The following FGD1 variants were observed in gnomAD, a reference collection of about 807,000 sequenced individuals.
FGD1 encodes FYVE, RhoGEF and PH domain containing 1, also known as FYVE, RhoGEF and PH domain-containing protein 1.
A neutral mutation model predicts 65.0 loss-of-function variants in FGD1; 12 were observed. That is an observed-to-expected ratio of 0.18 (90% CI 0.12 to 0.30). The LOEUF (loss-of-function observed/expected upper bound fraction) is 0.30. FGD1 is among the 10% of genes least tolerant of loss of function. The probability of loss-of-function intolerance (pLI) is 1.00; values close to 1 mark genes in which losing one functional copy is unlikely to be tolerated. For missense variants in FGD1, 542 were observed against 837.6 expected, an observed-to-expected ratio of 0.65 and a Z score of 4.36; for synonymous variants, 333 against 343.9, an observed-to-expected ratio of 0.97 and a Z score of 0.35.
At chrX:54,446,479 T>A (rs1922184213) in intron 17 of FGD1, 65 bp from the exon 18 acceptor site, 1 of 1,070,168 alleles carries the variant, frequency 9.3e-7, no homozygotes, top group Non-Finnish European at 1.3e-6. Flanking sequence ...CCCCAGCTTC[T>A]AACTGGTTTT....
At chrX:54,448,169 C>G (rs747759016) in intron 16 of FGD1, among the ~76,000 whole-genome samples, 1 of 110,382 alleles carries the variant, frequency 9.1e-6, no homozygotes, top group South Asian at 3.8e-4. Flanking sequence ...TTTGTAATAA[C>G]AAAAGACAAT....
chrX:54,480,231 G>A (rs1923112977), intron 1 of FGD1, among the ~76,000 whole-genome samples: 1 of 112,362 alleles, frequency 8.9e-6, no homozygotes, highest in African/African-American at 3.2e-5. Flanking sequence ...AAGGGAAGAA[G>A]TTTTTCCAAA....
intron 12 of FGD1, 139 bp downstream of exon 12, chrX:54,455,309 C>T (rs766447339): frequency 1.5e-5 from 8 of 540,400 alleles, no homozygotes; most frequent in Non-Finnish European, 2.6e-5. Context: ...ATCACCCCCA[C>T]CGCTGAAGAG....
chrX:54,486,342 G>A lies in FGD1; in HGVS notation c.307+8784C>T, dbSNP rs752311572. On this transcript the variant is annotated intron_variant, in intron 1 of 17. Coordinates refer to ENST00000375135, the MANE Select transcript of FGD1 (RefSeq NM_004463.3). ...TGGCTCACAGCAACCTCCACCTCCC[G>A]GGTTCAAGTGATTCTCCTGCCTCAG... Among the ~76,000 whole-genome samples the A allele has an allele frequency of 5.4e-5, 6 of 111,089 alleles. No homozygotes were observed. The South Asian group carries it at 1.1e-3, about 21-fold the overall frequency.
intron 12 of FGD1, 96 bp downstream of exon 12, chrX:54,455,352 C>T (rs1313837318): frequency 2.8e-6 from 2 of 702,545 alleles, no homozygotes; most frequent in Non-Finnish European, 4.5e-6. Flanking sequence ...GGTGCCCATC[C>T]TTTCTCTGGA....
In FGD1 at chrX:54,465,584, C is replaced by T; in HGVS notation, c.1503G>A (p.Glu501=). 1.7e-6 allele frequency: 2 copies of T among 1,209,290 alleles called. No individual in the cohort carries two copies. Among genetic ancestry groups the T allele is most frequent in the South Asian group, 3.5e-5 (2 of 56,528 alleles). The change falls in exon 8 of 18, where the codon GAG becomes GAA. Residue 501 remains glutamate (E), a synonymous_variant. Coordinates refer to ENST00000375135, the MANE Select transcript of FGD1 (RefSeq NM_004463.3). ...GCAATGTCAGGTTGCCACAGGCTTC[C>T]TCCTTCTGTGACAGGCAGAAGCAGA... ...FKVIIHEVQK[E]EACGNLTLQH...
chrX:54,462,009 A>G, intron 8 of FGD1, among the ~76,000 whole-genome samples: 1 of 110,966 alleles, frequency 9.0e-6, no homozygotes, highest in Non-Finnish European at 1.9e-5. Context: ...AGAGTATTCC[A>G]GGTGGGAAGA....
intron 12 of FGD1, among the ~76,000 whole-genome samples, chrX:54,452,294 C>G: frequency 2.2e-5 from 2 of 92,871 alleles, no homozygotes; most frequent in East Asian, 7.0e-4. Context: ...AAAAAAAGAA[C>G]TACAGTATAG....
chrX:54,474,324 CAG>C (rs1197856203), intron 1 of FGD1, among the ~76,000 whole-genome samples: 2 of 112,419 alleles, frequency 1.8e-5, no homozygotes, highest in African/African-American at 6.5e-5. Flanking sequence ...GAAAGAGTCA[CAG>C]GGGATTTTAG....
At chrX:54,486,716 T>C (rs1269359106) in intron 1 of FGD1, among the ~76,000 whole-genome samples, 1 of 103,152 alleles carries the variant, frequency 9.7e-6, no homozygotes, top group Non-Finnish European at 2.0e-5. Flanking sequence ...TGGCCTGGCA[T>C]GGTGGCTCAT....
chrX:54,495,580 C>A lies in FGD1; in HGVS notation c.-148G>T. 1 of 313,824 alleles carries A rather than the reference C, an allele frequency of 3.2e-6. No individual in the cohort carries two copies. Among genetic ancestry groups the A allele is most frequent in the South Asian group, 1.9e-4 (1 of 5,314 alleles). The allele number at this position is 313,824 out of a possible 1,213,427, so 25.9% of individuals were successfully genotyped here. A position where few individuals can be genotyped will look rare whatever the true frequency, so the allele number is the denominator to read the frequency against. ...CGGGCTCAGCCCCACTGCAGAGACT[C>A]AAGCCCCCAGCCCGGGCCCGGGCCA... On this transcript the variant is annotated 5_prime_UTR_variant, in exon 1 of 18. An upstream open reading frame in the 5' UTR gains an earlier in-frame stop. Transcript: ENST00000375135.
rs1219170664 is a variant in FGD1, at chrX:54,488,090, C to G, written c.307+7036G>C. 6.7e-5 allele frequency among the ~76,000 whole-genome samples: 7 copies of G among 104,278 alleles called. No individual in the cohort carries two copies. The South Asian group carries it at 1.7e-3, about 26-fold the overall frequency. 90.6% of individuals were successfully genotyped at this position (104,278 alleles called of 115,157 possible). On this transcript the variant is annotated intron_variant, in intron 1 of 17. Coordinates refer to ENST00000375135, the MANE Select transcript of FGD1 (RefSeq NM_004463.3). ...ACCAGCCTGGCCAACGTGGCGAAAC[C>G]CCATCTCTACTAAAAATACAAAAAT...
rs1234626147 is a variant in FGD1 at position 54,496,190 on chromosome X, G to A, written c.-758C>T. The A allele has an allele frequency of 2.7e-5, 3 of 111,676 alleles. No homozygotes were observed. The highest frequency in any genetic ancestry group is 5.7e-5 in the Non-Finnish European group (3 of 52,880). The allele number at this position is 111,676 out of a possible 1,213,427, so 9.2% of individuals were successfully genotyped here. A position where few individuals can be genotyped will look rare whatever the true frequency, so the allele number is the denominator to read the frequency against. On this transcript the variant is annotated 5_prime_UTR_variant, in exon 1 of 18. Transcript: ENST00000375135. ...TGGGAAGGGGGGTGGGGAGGCGGGA[G>A]CCTCGCAGAGGCAGCCGCAGCCACA...
chrX:54,447,569 A>C, intron 16 of FGD1, 115 bp from the exon 17 acceptor site: 4 of 796,598 alleles, frequency 5.0e-6, no homozygotes, highest in South Asian at 2.2e-5. Context: ...GAAGACGCTC[A>C]AGCTCAGGTG....
intron 1 of FGD1, among the ~76,000 whole-genome samples, chrX:54,472,802 A>T (rs1922925765): frequency 9.0e-6 from 1 of 111,375 alleles, no homozygotes. Context: ...AGATGGAGGC[A>T]AACAGGTGTG....
At chrX:54,454,558 G>A (rs1261814601) in intron 12 of FGD1, among the ~76,000 whole-genome samples, 1 of 107,293 alleles carries the variant, frequency 9.3e-6, no homozygotes, top group Non-Finnish European at 1.9e-5. Flanking sequence ...GCTGAGGCAG[G>A]AGAATTGCTT....
chrX:54,460,775 TAAAA>T (rs1022844347), intron 8 of FGD1, among the ~76,000 whole-genome samples: 1 of 112,110 alleles, frequency 8.9e-6, no homozygotes, highest in African/African-American at 3.2e-5. Context: ...TAAAAATAAA[TAAAA>T]AATAAATAAA....
intron 6 of FGD1, among the ~76,000 whole-genome samples, chrX:54,466,761 T>G (rs1040632811): frequency 4.6e-5 from 5 of 109,470 alleles, no homozygotes; most frequent in African/African-American, 1.7e-4. Context: ...GTTTGTTTTT[T>G]TTTTTTTTGA....
chrX:54,464,357 C>T (rs1400183009), intron 8 of FGD1, among the ~76,000 whole-genome samples: 4 of 111,094 alleles, frequency 3.6e-5, no homozygotes, highest in African/African-American at 1.3e-4. Flanking sequence ...TAGTCTCAAA[C>T]TCCTGACCTC....
Sources: allele counts gnomAD v4.1 joint callset (sites outside exome capture counted in the v4.1 genomes callset), GRCh38; gene constraint gnomAD v4.1.1; transcripts MANE v1.5; gene names NCBI Gene and HGNC (gene_info 2026-07-23, HGNC 2026-07-21).